ATRNL1: variants seen among roughly 807,000 people sequenced by gnomAD.
ATRNL1 encodes attractin-like protein 1.
In ATRNL1, 95 loss-of-function variants were observed where a neutral mutation model predicts 182.7. The observed-to-expected ratio is 0.52, with a 90% confidence interval of 0.44 to 0.62. ATRNL1 has a LOEUF of 0.62. Ranked by LOEUF, ATRNL1 falls within the 20% of genes least tolerant of loss-of-function variation. The pLI is 0.00. For missense variants in ATRNL1, 1,471 were observed against 1,679.5 expected (o/e 0.88, Z 2.17); for synonymous variants, 576 against 568.3 (o/e 1.01, Z -0.19).
intron 18 of ATRNL1, among the ~76,000 whole-genome samples, chr10:115,326,845 A>G (rs1854917239): frequency 6.6e-6 from 1 of 152,190 alleles, no homozygotes. Flanking sequence ...AGGATTCCCT[A>G]TTTAATAAAT....
chr10:115,270,087 T>C (rs1554912339), intron 13 of ATRNL1, among the ~76,000 whole-genome samples: 1 of 151,498 alleles, frequency 6.6e-6, no homozygotes. Flanking sequence ...CGTTTGAAGA[T>C]ATCCACTGAT....
Position 115,368,800 on chromosome 10 carries a change from G to A in ATRNL1, c.3176-25859G>A, listed in dbSNP as rs11595974. ...GTGATCTTGGTTCACTGCAACCACCGCCTCCTGGGTTCAAGTGATTCTCCT... is the reference window on the plus strand; with the variant it reads ...GTGATCTTGGTTCACTGCAACCACCACCTCCTGGGTTCAAGTGATTCTCCT... On this transcript the variant is annotated intron_variant, in intron 19 of 28. Transcript: ENST00000355044. Among the ~76,000 whole-genome samples the A allele has an allele frequency of 7.5e-3, 1,136 of 150,664 alleles. 7 individuals are homozygous for A. The highest frequency in any genetic ancestry group is 0.017 in the Middle Eastern group (5 of 290).
intron 27 of ATRNL1, among the ~76,000 whole-genome samples, chr10:115,751,643 T>C (rs567424047): frequency 1.3e-5 from 2 of 152,136 alleles, no homozygotes; most frequent in Admixed American, 1.3e-4. Context: ...CCCAAATATA[T>C]ATTAATAGAA....
At chr10:115,240,988 G>A (rs1451479523) in intron 9 of ATRNL1, among the ~76,000 whole-genome samples, 3 of 151,966 alleles carry the variant, frequency 2.0e-5, no homozygotes, top group East Asian at 3.9e-4. Flanking sequence ...TACAAAAACA[G>A]CAAATGAATT....
At chr10:115,792,242 T>C (rs1555081942) in intron 27 of ATRNL1, among the ~76,000 whole-genome samples, 3 of 152,140 alleles carry the variant, frequency 2.0e-5, no homozygotes, top group Non-Finnish European at 4.4e-5. Context: ...TTAGCTATTA[T>C]TCTATTCTAC....
intron 9 of ATRNL1, among the ~76,000 whole-genome samples, chr10:115,230,567 C>G (rs1387255692): frequency 6.6e-6 from 1 of 152,076 alleles, no homozygotes; most frequent in African/African-American, 2.4e-5. Flanking sequence ...CCTTAGAAAA[C>G]ATTATAGAGC....
chr10:115,317,993 T>G (rs2134021162), intron 18 of ATRNL1, among the ~76,000 whole-genome samples: 1 of 152,308 alleles, frequency 6.6e-6, no homozygotes, highest in South Asian at 2.1e-4. Flanking sequence ...AGCAAATGCT[T>G]CCAGCTTTTG....
intron 24 of ATRNL1, among the ~76,000 whole-genome samples, chr10:115,501,562 A>G (rs1289658423): frequency 6.6e-6 from 1 of 152,202 alleles, no homozygotes; most frequent in Non-Finnish European, 1.5e-5. Context: ...ACAGATTCTT[A>G]TTGCACATTC....
intron 26 of ATRNL1, among the ~76,000 whole-genome samples, chr10:115,572,930 A>T (rs1410306): frequency 6.6e-6 from 1 of 151,894 alleles, no homozygotes; most frequent in Non-Finnish European, 1.5e-5. Context: ...TGCAGAGGCC[A>T]GGTGAGCGCT....
At chr10:115,366,097 T>A (rs1197482446) in intron 19 of ATRNL1, among the ~76,000 whole-genome samples, 1 of 152,010 alleles carries the variant, frequency 6.6e-6, no homozygotes, top group Non-Finnish European at 1.5e-5. Flanking sequence ...CTCGTTGATC[T>A]GTCTAATGTT....
At chr10:115,639,795 G>GT (rs1555029592) in intron 26 of ATRNL1, among the ~76,000 whole-genome samples, 9 of 151,706 alleles carry the variant, frequency 5.9e-5, no homozygotes, top group African/African-American at 1.5e-4. Flanking sequence ...GAAAATGAGG[G>GT]GTTTTTTTTT....
rs1282171574 is a variant in ATRNL1 at position 115,944,688 on chromosome 10, T to C, written c.4049T>C (p.Ile1350Thr). 6.2e-7 allele frequency: 1 copy of C among 1,613,166 alleles called. No homozygotes were observed. The highest frequency in any genetic ancestry group is 1.3e-5 in the African/African-American group (1 of 74,886). The change falls in exon 29 of 29, where the codon ATT becomes ACT. Residue 1350 changes from isoleucine (I) to threonine (T), a missense_variant. Transcript: ENST00000355044. The part of the protein sequence containing the change: ...GLAIASALID[I>T]SQQKASDSKD... Reference sequence around the variant, plus strand: ...GCAATTGCCAGTGCCCTAATAGATATTTCACAACAGAAAGCTTCAGATAGT... The same window carrying C: ...GCAATTGCCAGTGCCCTAATAGATACTTCACAACAGAAAGCTTCAGATAGT...
intron 27 of ATRNL1, among the ~76,000 whole-genome samples, chr10:115,746,751 C>T (rs1242703561): frequency 1.3e-5 from 2 of 152,052 alleles, no homozygotes; most frequent in African/African-American, 2.4e-5. Context: ...CAAAACTTCA[C>T]ATCATTAGGA....
Position 115,356,076 on chromosome 10 carries a change from A to G in ATRNL1, c.3175+21657A>G, listed in dbSNP as rs1225141044. ...ACACACACTAGGATGTGACCCAAAC[A>G]TTCTCTGAGACTCAAGGGTAGTAAA... On this transcript the variant is annotated intron_variant, in intron 19 of 28. Transcript: ENST00000355044. 3.9e-5 allele frequency among the ~76,000 whole-genome samples: 6 copies of G among 152,264 alleles called. No individual in the cohort carries two copies. In the South Asian group the frequency reaches 1.0e-3, roughly 26 times the overall value.
chr10:115,144,309 G>T (rs151120787), intron 5 of ATRNL1, among the ~76,000 whole-genome samples: 2,830 of 152,138 alleles, frequency 0.019, 105 homozygotes, highest in African/African-American at 0.065. Context: ...CACCATGCCC[G>T]TCTAATTTTT....
chr10:115,351,275 G>A lies in ATRNL1; in HGVS notation c.3175+16856G>A, dbSNP rs182317449. On this transcript the variant is annotated intron_variant, in intron 19 of 28. Transcript: ENST00000355044. ...CTAATTACTCTGGGTGGGACTTCCAGTACTATGTCTAATAAAAGTGGTGAA... is the reference window on the plus strand; with the variant it reads ...CTAATTACTCTGGGTGGGACTTCCAATACTATGTCTAATAAAAGTGGTGAA... Among the ~76,000 whole-genome samples the A allele has an allele frequency of 1.5e-3, 235 of 152,194 alleles. 1 individual carries two copies. Among genetic ancestry groups the A allele is most frequent in the African/African-American group, 5.4e-3 (223 of 41,534 alleles).
intron 26 of ATRNL1, among the ~76,000 whole-genome samples, chr10:115,563,539 A>C (rs1332976562): frequency 6.6e-6 from 1 of 152,140 alleles, no homozygotes; most frequent in Non-Finnish European, 1.5e-5. Context: ...TTTTATATAT[A>C]AAGTTTCTTC....
chr10:115,499,180 GT>G (rs1476151986), intron 24 of ATRNL1, among the ~76,000 whole-genome samples: 3 of 151,846 alleles, frequency 2.0e-5, no homozygotes, highest in Non-Finnish European at 4.4e-5. Flanking sequence ...GTTCCGTTTT[GT>G]TTTCTAACAT....
chr10:115,403,870 T>A lies in ATRNL1; in HGVS notation c.3269+9118T>A, dbSNP rs150677673. Among the ~76,000 whole-genome samples, 490 of 152,338 alleles carry A rather than the reference T, an allele frequency of 3.2e-3. 1 individual carries two copies. The highest frequency in any genetic ancestry group is 9.9e-3 in the African/African-American group (413 of 41,586). Reference sequence around the variant, plus strand: ...TTAAGCAGCCTTGATGTCTAATATATAAGATACTTGAGGAACTCTTATGCT... The same window carrying A: ...TTAAGCAGCCTTGATGTCTAATATAAAAGATACTTGAGGAACTCTTATGCT... On this transcript the variant is annotated intron_variant, in intron 20 of 28. Transcript: ENST00000355044.
Sources: gnomAD v4.1 joint callset for allele counts (sites outside exome capture counted in the v4.1 genomes callset) on GRCh38, gnomAD v4.1.1 for gene constraint, MANE v1.5 for transcripts, NCBI Gene and HGNC (gene_info 2026-07-23, HGNC 2026-07-21) for gene names.